Variants in KAZN observed in about 807,000 individuals in gnomAD.
KAZN encodes kazrin.
Under a neutral mutation model 87.4 loss-of-function variants are expected in KAZN, and 40 were observed. The observed-to-expected ratio is 0.46, with a 90% CI of 0.36 to 0.60. The LOEUF (loss-of-function observed/expected upper bound fraction) is 0.60, where lower values mean the gene tolerates loss of function less well. KAZN is among the 20% of genes least tolerant of loss of function. The pLI is 0.00. For missense variants in KAZN, 898 were observed against 1,073.9 expected, an observed-to-expected ratio of 0.84 and a Z score of 2.29; for synonymous variants, 466 against 458.3, an observed-to-expected ratio of 1.02 and a Z score of -0.22.
At chr1:14,077,647 G>C (rs1037233598) in intron 1 of KAZN, among the ~76,000 whole-genome samples, 4 of 152,202 alleles carry the variant, frequency 2.6e-5, no homozygotes, top group Admixed American at 1.3e-4. Flanking sequence ...GTAGATAATT[G>C]TTATGGGTTG....
At chr1:15,083,427 C>T (rs1250277200) in intron 8 of KAZN, among the ~76,000 whole-genome samples, 3 of 152,334 alleles carry the variant, frequency 2.0e-5, no homozygotes, top group Non-Finnish European at 2.9e-5. Context: ...GGCTCACCCC[C>T]GCCAAAGTCT....
chr1:14,745,956 TG>T (rs1644251037), intron 1 of KAZN, among the ~76,000 whole-genome samples: 1 of 152,082 alleles, frequency 6.6e-6, no homozygotes, highest in Non-Finnish European at 1.5e-5. Context: ...GGTAAATTGG[TG>T]GTCTCTTGCT....
chr1:14,377,406 C>T (rs1661003416), intron 2 of KAZN, among the ~76,000 whole-genome samples: 1 of 152,168 alleles, frequency 6.6e-6, no homozygotes, highest in Non-Finnish European at 1.5e-5. Context: ...GTCTCATTCG[C>T]CTTTAGCTCA....
chr1:14,989,738 G>A (rs1301989564), intron 2 of KAZN, among the ~76,000 whole-genome samples: 1 of 152,148 alleles, frequency 6.6e-6, no homozygotes, highest in Admixed American at 6.5e-5. Context: ...TCGGGATGGT[G>A]GTGGGCTCCC....
At chr1:14,484,784 T>A (rs1278142338) in intron 2 of KAZN, among the ~76,000 whole-genome samples, 1 of 152,202 alleles carries the variant, frequency 6.6e-6, no homozygotes, top group Non-Finnish European at 1.5e-5. Flanking sequence ...CTGGGATAAC[T>A]GTGTTGATTC....
chr1:14,242,841 G>C (rs571929059), intron 2 of KAZN, among the ~76,000 whole-genome samples: 14 of 152,272 alleles, frequency 9.2e-5, no homozygotes, highest in Admixed American at 2.6e-4. Flanking sequence ...GAGCTGCCCA[G>C]TGTAGAATCC....
chr1:15,037,618 G>A (rs1037106209), intron 3 of KAZN, among the ~76,000 whole-genome samples: 3 of 130,856 alleles, frequency 2.3e-5, no homozygotes, highest in African/African-American at 7.3e-5. Flanking sequence ...TATTGCTTTC[G>A]GGGATTCAGA....
intron 2 of KAZN, among the ~76,000 whole-genome samples, chr1:14,405,989 G>A (rs1663819306): frequency 6.6e-6 from 1 of 152,118 alleles, no homozygotes; most frequent in African/African-American, 2.4e-5. Context: ...GTTAATCGGT[G>A]CACAAAATGA....
intron 2 of KAZN, among the ~76,000 whole-genome samples, chr1:14,437,634 C>G (rs906415004): frequency 6.6e-6 from 1 of 152,178 alleles, no homozygotes; most frequent in African/African-American, 2.4e-5. Context: ...TCTCCCTTCC[C>G]CTGCCTCCAC....
chr1:14,572,565 T>C (rs1022664604), intron 2 of KAZN, among the ~76,000 whole-genome samples: 9 of 152,226 alleles, frequency 5.9e-5, no homozygotes, highest in Non-Finnish European at 8.8e-5. Context: ...GTATAAAGCC[T>C]TCCAGTACAG....
chr1:14,259,415 C>T (rs1045923770), intron 2 of KAZN, among the ~76,000 whole-genome samples: 1 of 152,118 alleles, frequency 6.6e-6, no homozygotes, highest in Admixed American at 6.5e-5. Context: ...GAGACAAGCA[C>T]GTGATGTACC....
intron 2 of KAZN, among the ~76,000 whole-genome samples, chr1:14,472,352 G>A (rs1220227624): frequency 6.6e-6 from 1 of 152,210 alleles, no homozygotes; most frequent in African/African-American, 2.4e-5. Context: ...TCTTGTTCAT[G>A]TTCCATGTCC....
At chr1:14,987,840 G>A (rs1047071905) in intron 2 of KAZN, among the ~76,000 whole-genome samples, 2 of 152,212 alleles carry the variant, frequency 1.3e-5, no homozygotes, top group African/African-American at 4.8e-5. Flanking sequence ...GGGGTGTAGG[G>A]ATACGGGGCC....
chr1:13,906,490 A>G (rs1639442613), intron 1 of KAZN, among the ~76,000 whole-genome samples: 1 of 152,148 alleles, frequency 6.6e-6, no homozygotes, highest in African/African-American at 2.4e-5. Flanking sequence ...AGGCTGTACT[A>G]CTGCTGAGAA....
rs540719151 is a variant in KAZN, at chr1:15,072,645, A to G, written c.1222+6892A>G. Among the ~76,000 whole-genome samples the G allele has an allele frequency of 5.3e-5, 8 of 152,230 alleles. No individual in the cohort carries two copies. The South Asian group carries it at 1.2e-3, about 24-fold the overall frequency. On this transcript the variant is annotated intron_variant, in intron 8 of 14. Coordinates refer to ENST00000376030, the MANE Select transcript of KAZN (RefSeq NM_201628.3). ...ACTCACTCGTATAATCCTTCCAGCA[A>G]CTCTCCAAAATACATGTCATCCCCA...
intron 1 of KAZN, among the ~76,000 whole-genome samples, chr1:14,016,619 C>T (rs1285090600): frequency 6.6e-6 from 1 of 152,034 alleles, no homozygotes; most frequent in Non-Finnish European, 1.5e-5. Context: ...TGGGATGCAT[C>T]GTCCTAATTT....
In KAZN at chr1:14,903,917, C is replaced by T. The variant is rs142102225; in HGVS notation, c.227-56767C>T. Among the ~76,000 whole-genome samples, 796 of 152,194 alleles carry T rather than the reference C, an allele frequency of 5.2e-3. 4 individuals carry two copies. The highest frequency in any genetic ancestry group is 9.2e-3 in the Admixed American group (141 of 15,292). On this transcript the variant is annotated intron_variant, in intron 1 of 14. Coordinates refer to ENST00000376030, the MANE Select transcript of KAZN (RefSeq NM_201628.3). Reference sequence around the variant, plus strand: ...ATTTTGCAGAGGAGACAAATAAAGCCCCAGGATGAGAAGCAGACTGCGGAA... The same window carrying T: ...ATTTTGCAGAGGAGACAAATAAAGCTCCAGGATGAGAAGCAGACTGCGGAA...
chr1:14,944,663 T>C (rs1661529308), intron 1 of KAZN, among the ~76,000 whole-genome samples: 1 of 152,240 alleles, frequency 6.6e-6, no homozygotes, highest in Non-Finnish European at 1.5e-5. Flanking sequence ...GTGACCCAGC[T>C]GAGTCATGGT....
At chr1:14,371,089 CCAA>C (rs1378692674) in intron 2 of KAZN, among the ~76,000 whole-genome samples, 1 of 152,144 alleles carries the variant, frequency 6.6e-6, no homozygotes, top group Admixed American at 6.5e-5. Context: ...TAGTTGTTCT[CCAA>C]CGTTAGTGTG....
Sources: gnomAD v4.1 joint callset for allele counts (sites outside exome capture counted in the v4.1 genomes callset) on GRCh38, gnomAD v4.1.1 for gene constraint, MANE v1.5 for transcripts, NCBI Gene and HGNC (gene_info 2026-07-23, HGNC 2026-07-21) for gene names.